SCRN1: variants seen among roughly 807,000 people sequenced by gnomAD.
SCRN1 encodes the protein secernin 1.
SCRN1 carries 19 observed loss-of-function variants against 43.3 expected under a neutral mutation model. That is an observed-to-expected ratio of 0.44 (90% CI 0.31 to 0.64). The LOEUF is 0.64. Ranked by LOEUF, SCRN1 falls within the 30% of genes least tolerant of loss-of-function variation. SCRN1 has a pLI of 0.09. For missense variants in SCRN1, 447 were observed against 524.1 expected (o/e 0.85, Z 1.44); for synonymous variants, 183 against 188.9 (o/e 0.97, Z 0.26).
rs1014275274 is a variant in SCRN1 at position 29,950,900 on chromosome 7, C to G, written c.341+4279G>C. The stretch of plus-strand genomic sequence containing the variant: ...AGCTCCTCACCACCTTGCTCACTCT[C>G]CAGCTGTCCATGTATCTCACTCTTC... On this transcript the variant is annotated intron_variant, in intron 3 of 7. Transcript: ENST00000242059. The surrounding 1 kb of genome is among the most constrained non-coding windows in gnomAD (Gnocchi z 4.5). 1.3e-5 allele frequency among the ~76,000 whole-genome samples: 2 copies of G among 152,252 alleles called. No individual in the cohort carries two copies. Among genetic ancestry groups the G allele is most frequent in the African/African-American group, 4.8e-5 (2 of 41,470 alleles).
intron 2 of SCRN1, among the ~76,000 whole-genome samples, chr7:29,963,550 G>A (rs942794867): frequency 3.9e-5 from 6 of 152,210 alleles, no homozygotes; most frequent in African/African-American, 1.2e-4. Flanking sequence ...AGCTAACAAT[G>A]AGAATAGAAA....
chr7:29,989,882 CG>C (rs1789311533), upstream of SCRN1: 1 of 1,037,960 alleles, frequency 9.6e-7, no homozygotes, highest in Non-Finnish European at 1.2e-6. Context: ...TCCCCCACCC[CG>C]GCCCCCGGGG....
upstream of SCRN1, chr7:29,989,992 T>C: frequency 7.4e-7 from 1 of 1,344,932 alleles, no homozygotes; most frequent in Non-Finnish European, 9.6e-7. Context: ...CGAGAGGGCG[T>C]ATCTCGCCGC....
chr7:29,975,645 T>C (rs1249336657), intron 1 of SCRN1, among the ~76,000 whole-genome samples: 2 of 152,274 alleles, frequency 1.3e-5, no homozygotes, highest in African/African-American at 4.8e-5. Flanking sequence ...ATAGGTACTA[T>C]GTTGAGATGT....
intron 1 of SCRN1, among the ~76,000 whole-genome samples, chr7:29,983,948 G>A (rs754688120): frequency 3.9e-5 from 6 of 152,176 alleles, no homozygotes; most frequent in Non-Finnish European, 8.8e-5. Context: ...GCTCATGCCT[G>A]TAATCCCAGC....
intron 5 of SCRN1, among the ~76,000 whole-genome samples, chr7:29,937,482 G>A (rs1787379498): frequency 6.6e-6 from 1 of 152,146 alleles, no homozygotes; most frequent in Non-Finnish European, 1.5e-5. Context: ...AATTTGGGGT[G>A]TCTTTGTTAC....
chr7:29,939,132 C>T (rs1401708179), intron 5 of SCRN1, among the ~76,000 whole-genome samples: 3 of 151,890 alleles, frequency 2.0e-5, no homozygotes, highest in East Asian at 1.9e-4. Context: ...TCTTACCTTC[C>T]TACCCAGAAT....
At chr7:29,957,710 C>T (rs775495566) in intron 2 of SCRN1, among the ~76,000 whole-genome samples, 10 of 152,120 alleles carry the variant, frequency 6.6e-5, no homozygotes, top group Admixed American at 1.3e-4. Context: ...GAAACACATC[C>T]GCATGGTCCG....
intron 1 of SCRN1, chr7:29,988,804 C>T (rs1033522030): frequency 6.6e-6 from 1 of 152,256 alleles, no homozygotes. Flanking sequence ...GTAACAGTTT[C>T]CTTCGATGTT....
chr7:29,947,342 A>C, intron 3 of SCRN1: 3 of 1,549,582 alleles, frequency 1.9e-6, no homozygotes, highest in Non-Finnish European at 2.6e-6. Context: ...GATGGGTCAC[A>C]CCTGTACTTC....
In SCRN1 at chr7:29,924,023, C is replaced by T; in HGVS notation, c.1179G>A (p.Leu393=). The T allele has an allele frequency of 6.2e-7, 1 of 1,614,180 alleles. No individual in the cohort carries two copies. The highest frequency in any genetic ancestry group is 8.5e-7 in the Non-Finnish European group (1 of 1,180,024). Residue 393 remains leucine, a synonymous_variant, in exon 8 of 8, where the codon CTG becomes CTA. Coordinates refer to ENST00000242059, the MANE Select transcript of SCRN1 (RefSeq NM_014766.5). ...MEEILTSSEP[L]DPAEVGDLFY... is the part of the protein sequence containing the mutation. ...AAAGGTCCCCCACTTCCGCAGGGTC[C>T]AGTGGCTCGGAGCTGGTCAGGATTT... is the stretch of plus-strand genomic sequence containing the variant.
chr7:29,969,010 C>T lies in SCRN1; in HGVS notation c.58G>A (p.Gly20Ser). Residue 20 changes from glycine to serine, a missense_variant, in exon 2 of 8, where the codon GGT becomes AGT. Physicochemically the swap from Gly to Ser is moderately conservative, Grantham distance 56 (BLOSUM62 0). Coordinates refer to ENST00000242059, the MANE Select transcript of SCRN1 (RefSeq NM_014766.5). ...FVAFPPRAKD[G>S]LVVFGKNSAR... ...GAATTTTTCCCAAATACCACCAGAC[C>T]ATCCTTAGCACGTGGAGGGAAGGCA... is the stretch of plus-strand genomic sequence containing the variant. 1 of 1,614,056 alleles carries T rather than the reference C, an allele frequency of 6.2e-7. No homozygotes were observed.
At chr7:29,986,169 G>A (rs1789144937) in intron 1 of SCRN1, among the ~76,000 whole-genome samples, 1 of 152,270 alleles carries the variant, frequency 6.6e-6, no homozygotes, top group Non-Finnish European at 1.5e-5. Context: ...CCTGGAGGCA[G>A]AGGTTGCAGT....
chr7:29,982,318 C>T (rs1432726353), intron 1 of SCRN1, among the ~76,000 whole-genome samples: 2 of 152,130 alleles, frequency 1.3e-5, no homozygotes, highest in Admixed American at 1.3e-4. Flanking sequence ...TGTGTAATCA[C>T]TTAATCCTCA....
chr7:29,939,409 C>T (rs1312554499), intron 5 of SCRN1, among the ~76,000 whole-genome samples: 1 of 152,078 alleles, frequency 6.6e-6, no homozygotes, highest in Non-Finnish European at 1.5e-5. Context: ...TGAGGTCTTG[C>T]TAAGTTACCC....
At chr7:29,990,172 T>G (rs766923815), upstream of SCRN1, 1 of 1,551,546 alleles carries the variant, frequency 6.4e-7, no homozygotes, top group Non-Finnish European at 8.7e-7. Flanking sequence ...GAGAGAAATG[T>G]GTCCTGTACC....
rs747426908 is a variant in SCRN1, at chr7:29,926,738, G to A, written c.906-106C>T. 93 of 933,786 alleles carry A rather than the reference G, an allele frequency of 1.0e-4. 1 individual carries two copies. Among genetic ancestry groups the A allele is most frequent in the Admixed American group, 3.5e-4 (14 of 40,412 alleles). The allele number at this position is 933,786 out of a possible 1,614,324, so 57.8% of individuals were successfully genotyped here. On this transcript the variant is annotated intron_variant, in intron 6 of 7. Transcript: ENST00000242059. The stretch of plus-strand genomic sequence containing the variant: ...ACATTTCCCAAGCCAACTTATGGTG[G>A]GTGGTGGGTGTGGGTGACGGGTGGG...
chr7:29,936,156 A>C (rs557476960), intron 6 of SCRN1, among the ~76,000 whole-genome samples: 1 of 152,190 alleles, frequency 6.6e-6, no homozygotes, highest in South Asian at 2.1e-4. Context: ...TGTTTTGATA[A>C]ATCATGAGCA....
At chr7:29,943,553 T>TAA in intron 4 of SCRN1, among the ~76,000 whole-genome samples, 1 of 152,146 alleles carries the variant, frequency 6.6e-6, no homozygotes, top group Non-Finnish European at 1.5e-5. Context: ...CACACAGATC[T>TAA]AAACTCCTAT....
Sources: gnomAD v4.1 joint callset for allele counts (sites outside exome capture counted in the v4.1 genomes callset) on GRCh38, gnomAD v4.1.1 for gene constraint, Gnocchi (gnomAD v3.1) non-coding constraint, MANE v1.5 for transcripts, NCBI Gene and HGNC (gene_info 2026-07-23, HGNC 2026-07-21) for gene names.